The following EPB41 variants were observed in gnomAD, a reference collection of about 807,000 sequenced individuals.
The protein encoded by EPB41 is erythrocyte membrane protein band 4.1.
EPB41 carries 65 observed loss-of-function variants against 108.0 expected under a neutral mutation model. That is an observed-to-expected ratio of 0.60 (90% CI 0.49 to 0.74). The LOEUF (loss-of-function observed/expected upper bound fraction) is 0.74, where lower values mean the gene tolerates loss of function less well. Ranked by LOEUF, EPB41 falls within the 30% of genes least tolerant of loss-of-function variation. The probability of loss-of-function intolerance (pLI) is 0.00; values close to 1 mark genes in which losing one functional copy is unlikely to be tolerated. For missense variants in EPB41, 875 were observed against 1,037.0 expected (o/e 0.84, Z 2.15); for synonymous variants, 336 against 358.9 (o/e 0.94, Z 0.72).
chr1:29,100,383 A>C (rs1168645245), intron 17 of EPB41, among the ~76,000 whole-genome samples: 1 of 126,230 alleles, frequency 7.9e-6, no homozygotes, highest in Non-Finnish European at 1.8e-5. Context: ...AATCGCTTGA[A>C]TCTGGGAGGC....
At chr1:28,957,593 C>T (rs1433433231) in intron 1 of EPB41, among the ~76,000 whole-genome samples, 2 of 152,100 alleles carry the variant, frequency 1.3e-5, no homozygotes, top group East Asian at 1.9e-4. Context: ...TTAGTAGAGA[C>T]GAGGTTTCAC....
At chr1:28,954,699 G>A (rs557498049) in intron 1 of EPB41, among the ~76,000 whole-genome samples, 1 of 152,178 alleles carries the variant, frequency 6.6e-6, no homozygotes, top group Admixed American at 6.5e-5. Context: ...AAAACATGCC[G>A]ATGGTTGATT....
intron 1 of EPB41, among the ~76,000 whole-genome samples, chr1:28,952,394 C>T (rs940034828): frequency 7.2e-5 from 11 of 151,944 alleles, no homozygotes; most frequent in African/African-American, 2.7e-4. Flanking sequence ...TGCATGGTGG[C>T]GCCTGCCTTT....
intron 14 of EPB41, among the ~76,000 whole-genome samples, chr1:29,059,262 T>C (rs1023047875): frequency 7.2e-5 from 11 of 152,098 alleles, no homozygotes; most frequent in African/African-American, 1.9e-4. Flanking sequence ...GTGACAGATA[T>C]ACACATATAT....
At chr1:29,108,880 G>T (rs145879556) in intron 17 of EPB41, among the ~76,000 whole-genome samples, 2,932 of 107,276 alleles carry the variant, frequency 0.027, 52 homozygotes, top group Middle Eastern at 0.13. Context: ...TTGTTAAGAG[G>T]TTACCCTGAA....
At chr1:29,060,263 G>A (rs899939138) in intron 14 of EPB41, among the ~76,000 whole-genome samples, 159 bp from the exon 15 acceptor site, 4 of 152,182 alleles carry the variant, frequency 2.6e-5, no homozygotes, top group Non-Finnish European at 5.9e-5. Flanking sequence ...ATCATGTTCT[G>A]TGTCCGTGTG....
At chr1:29,047,248 C>CCTTTTTTTTTT in intron 11 of EPB41, among the ~76,000 whole-genome samples, 1 of 93,930 alleles carries the variant, frequency 1.1e-5, no homozygotes, top group Non-Finnish European at 2.0e-5. Context: ...TTCTTTCTTT[C>CCTTTTTTTTTT]TTTCCTTTTT....
At chr1:28,928,579 A>G (rs988458955) in intron 1 of EPB41, among the ~76,000 whole-genome samples, 1 of 152,230 alleles carries the variant, frequency 6.6e-6, no homozygotes, top group Admixed American at 6.5e-5. Context: ...AATAGCTCTC[A>G]GTAAATATTC....
intron 1 of EPB41, among the ~76,000 whole-genome samples, chr1:28,955,415 C>T (rs2094906085): frequency 2.0e-5 from 3 of 151,970 alleles, no homozygotes; most frequent in South Asian, 4.2e-4. Flanking sequence ...GATCTCCACT[C>T]GCTGCAACCT....
chr1:29,039,287 A>G lies in EPB41; in HGVS notation c.1497A>G (p.Lys499=). 6.2e-7 allele frequency: 1 copy of G among 1,613,998 alleles called. No individual in the cohort carries two copies. The highest frequency in any genetic ancestry group is 8.5e-7 in the Non-Finnish European group (1 of 1,180,004). ...CTACAGACACCATTCCCAAAAGCAA[A>G]TTTCTTGCGCTAGGATCCAAATTTC... ...LTSTDTIPKS[K]FLALGSKFRY... is the part of the protein sequence containing the mutation. Residue 499 remains lysine, a synonymous_variant, in exon 11 of 21, where the codon AAA becomes AAG. Coordinates refer to ENST00000343067, the MANE Select transcript of EPB41 (RefSeq NM_001376013.1).
At chr1:29,031,811 C>T (rs1319601055) in intron 8 of EPB41, 3 of 152,116 alleles carry the variant, frequency 2.0e-5, no homozygotes, top group Non-Finnish European at 4.4e-5. Flanking sequence ...TGGGGAGGTC[C>T]AGTGCCAGGC....
intron 15 of EPB41, among the ~76,000 whole-genome samples, chr1:29,060,845 A>G (rs1413556116): frequency 2.0e-5 from 3 of 152,200 alleles, no homozygotes; most frequent in East Asian, 1.9e-4. Flanking sequence ...AATTTGCACT[A>G]TTCTTTCATT....
chr1:28,930,509 G>T (rs903309580), intron 1 of EPB41, among the ~76,000 whole-genome samples: 2 of 148,844 alleles, frequency 1.3e-5, no homozygotes, highest in African/African-American at 5.0e-5. Context: ...ATTTGAGACT[G>T]AGTCTCTCTC....
chr1:28,959,507 G>A (rs1260508420), intron 1 of EPB41, among the ~76,000 whole-genome samples: 2 of 152,094 alleles, frequency 1.3e-5, no homozygotes, highest in South Asian at 2.1e-4. Context: ...ATGAGTCACC[G>A]CACCCAGCCA....
chr1:28,888,452 C>T (rs1569774517), intron 1 of EPB41, among the ~76,000 whole-genome samples: 1 of 152,226 alleles, frequency 6.6e-6, no homozygotes, highest in South Asian at 2.1e-4. Context: ...GGAGGAGGCT[C>T]AAGGGACTTC....
intron 1 of EPB41, among the ~76,000 whole-genome samples, chr1:28,893,091 T>G (rs770918926): frequency 6.6e-6 from 1 of 151,702 alleles, no homozygotes; most frequent in Non-Finnish European, 1.5e-5. Context: ...TGTCAGGTTC[T>G]TTTATTCTGA....
At chr1:29,016,441 G>A (rs1362643122) in intron 6 of EPB41, among the ~76,000 whole-genome samples, 6 of 150,026 alleles carry the variant, frequency 4.0e-5, no homozygotes, top group African/African-American at 1.5e-4. Flanking sequence ...TGCTTGCCTC[G>A]GCCTCCCAAA....
At chr1:29,000,548 G>A (rs1414867348) in intron 4 of EPB41, among the ~76,000 whole-genome samples, 1 of 152,244 alleles carries the variant, frequency 6.6e-6, no homozygotes, top group African/African-American at 2.4e-5. Flanking sequence ...TTATTTCCCT[G>A]TAAGTATTTT....
intron 16 of EPB41, among the ~76,000 whole-genome samples, chr1:29,068,300 G>A (rs1255604728): frequency 6.6e-6 from 1 of 152,126 alleles, no homozygotes; most frequent in African/African-American, 2.4e-5. Flanking sequence ...AAAGATACTC[G>A]ACTACTTTGA....
Sources: allele counts gnomAD v4.1 joint callset (sites outside exome capture counted in the v4.1 genomes callset), GRCh38; gene constraint gnomAD v4.1.1; transcripts MANE v1.5; gene names NCBI Gene and HGNC (gene_info 2026-07-23, HGNC 2026-07-21).